Variants in SP4 observed in about 807,000 individuals in gnomAD.
The protein encoded by SP4 is Sp4 transcription factor.
Under a neutral mutation model 72.8 loss-of-function variants are expected in SP4, and 19 were observed. The ratio of observed to expected loss-of-function variants is 0.26; its 90% CI spans 0.18 to 0.38. The LOEUF (loss-of-function observed/expected upper bound fraction) is 0.38, where lower values mean the gene tolerates loss of function less well. Ranked by LOEUF, SP4 falls within the 10% of genes least tolerant of loss-of-function variation. The probability of loss-of-function intolerance (pLI) is 1.00; values close to 1 mark genes in which losing one functional copy is unlikely to be tolerated. For synonymous variants in SP4, 395 were observed against 333.1 expected (o/e 1.19, Z -2.02); for missense variants, 1,008 against 926.3 (o/e 1.09, Z -1.14).
chr7:21,456,850 C>A (rs1198052224), intron 3 of SP4, among the ~76,000 whole-genome samples: 2 of 152,186 alleles, frequency 1.3e-5, no homozygotes, highest in Non-Finnish European at 2.9e-5. Context: ...CTGATGTAGA[C>A]CCCAAGGTCT....
At chr7:21,451,445 CCCTTAAGAGT>C (rs1783597848) in intron 3 of SP4, among the ~76,000 whole-genome samples, 1 of 152,138 alleles carries the variant, frequency 6.6e-6, no homozygotes, top group South Asian at 2.1e-4. Flanking sequence ...AACATTTCCT[CCCTTAAGAGT>C]CCAAGACCCC....
intron 5 of SP4, among the ~76,000 whole-genome samples, chr7:21,506,922 A>G (rs535562411): frequency 2.6e-5 from 4 of 152,262 alleles, no homozygotes; most frequent in Non-Finnish European, 5.9e-5. Context: ...TGGAGATCCT[A>G]CATTTGGGCG....
Position 21,514,814 on chromosome 7 carries a change from A to G in SP4, c.*3545A>G, listed in dbSNP as rs1435377861. On this transcript the variant is annotated 3_prime_UTR_variant, in exon 6 of 6. Coordinates refer to ENST00000222584, the MANE Select transcript of SP4 (RefSeq NM_003112.5). ...AAAGCAGCAATAAATTATTTGAACT[A>G]TCAACCTACTTATCATGAACACTGG... 1.3e-5 allele frequency: 2 copies of G among 152,226 alleles called. No homozygotes were observed. Among genetic ancestry groups the G allele is most frequent in the Non-Finnish European group, 1.5e-5 (1 of 68,044 alleles). 9.4% of individuals were successfully genotyped at this position (152,226 alleles called of 1,614,324 possible).
At chr7:21,447,787 G>A (rs968519341) in intron 3 of SP4, among the ~76,000 whole-genome samples, 1 of 152,170 alleles carries the variant, frequency 6.6e-6, no homozygotes, top group Non-Finnish European at 1.5e-5. Context: ...AGGTTCAAGC[G>A]ATTCTCTTGT....
At chr7:21,501,925 C>A (rs540010230) in intron 5 of SP4, among the ~76,000 whole-genome samples, 51 of 151,650 alleles carry the variant, frequency 3.4e-4, no homozygotes, top group Middle Eastern at 3.4e-3. Flanking sequence ...CGATGAATCT[C>A]TGTTGATTAT....
chr7:21,493,496 G>C (rs1046263001), intron 5 of SP4, among the ~76,000 whole-genome samples: 2 of 152,102 alleles, frequency 1.3e-5, no homozygotes, highest in African/African-American at 4.8e-5. Context: ...ACAAAATGAA[G>C]AGCCAATTAA....
Position 21,511,106 on chromosome 7 carries a change from A to G in SP4, c.2192A>G (p.Asn731Ser). The change falls in exon 6 of 6, where the codon AAT (asparagine) becomes AGT (serine). Residue 731 changes from asparagine to serine, a missense_variant. Around this residue, in one of 3 missense-constraint regions of SP4, gnomAD observed 67 missense variants for 66.1 expected, o/e 1.01. Transcript: ENST00000222584. ...HLSKHVKTHQ[N>S]KKGGGTALAI... is the part of the protein sequence containing the mutation. ...TCCAAACATGTCAAAACGCACCAGA[A>G]TAAAAAAGGTGGTGGGACAGCTCTT... The G allele has an allele frequency of 6.2e-7, 1 of 1,614,206 alleles. No homozygotes were observed.
At position 21,477,212 on chromosome 7, in the gene SP4, G is replaced by C. The variant is rs755017819; in HGVS notation, c.1812G>C (p.Gln604His). 1 of 1,614,226 alleles carries C rather than the reference G, an allele frequency of 6.2e-7. No individual in the cohort carries two copies. Among genetic ancestry groups the C allele is most frequent in the Non-Finnish European group, 8.5e-7 (1 of 1,180,032 alleles). Reference sequence around the variant, plus strand: ...ACCAACTCACACAAGTGCATTTGCAGCAAGGCCAGCAGACTTCTGATCAAG... The same window carrying C: ...ACCAACTCACACAAGTGCATTTGCACCAAGGCCAGCAGACTTCTGATCAAG... ...SPDQLTQVHL[Q>H]QGQQTSDQEV... Residue 604 changes from glutamine (Q) to histidine (H), a missense_variant, in exon 4 of 6, where the codon CAG becomes CAC. Physicochemically the swap from Gln to His is conservative, Grantham distance 24 (BLOSUM62 0). Transcript: ENST00000222584.
intron 4 of SP4, among the ~76,000 whole-genome samples, chr7:21,478,764 T>C (rs1562615038): frequency 6.6e-6 from 1 of 152,162 alleles, no homozygotes; most frequent in Admixed American, 6.5e-5. Context: ...TTATCAGATA[T>C]ACAATTTGAA....
chr7:21,430,681 A>G lies in SP4; in HGVS notation c.1516A>G (p.Thr506Ala), dbSNP rs376524384. The G allele has an allele frequency of 6.2e-6, 10 of 1,614,110 alleles. No individual in the cohort carries two copies. In the African/African-American group the frequency reaches 1.1e-4, roughly 17 times the overall value. The change falls in exon 3 of 6, where the codon ACT becomes GCT. Residue 506 changes from threonine (T) to alanine (A), a missense_variant. Coordinates refer to ENST00000222584, the MANE Select transcript of SP4 (RefSeq NM_003112.5). ...ITPVSSSGGT[T>A]LAQIAPVAVA... ...CCCAGTGTCTTCAAGTGGTGGCACA[A>G]CTCTTGCTCAGATTGCTCCTGTGGC...
intron 5 of SP4, among the ~76,000 whole-genome samples, chr7:21,500,665 CCTT>C (rs1181019768): frequency 6.6e-6 from 1 of 152,180 alleles, no homozygotes; most frequent in Non-Finnish European, 1.5e-5. Flanking sequence ...TGCCCACACT[CCTT>C]CTCATACTGT....
chr7:21,462,301 C>T (rs921363758), intron 3 of SP4, among the ~76,000 whole-genome samples: 4 of 151,974 alleles, frequency 2.6e-5, no homozygotes, highest in African/African-American at 9.7e-5. Flanking sequence ...ATAGTATTGA[C>T]TCAGATATCA....
At chr7:21,480,429 A>G (rs1263578580) in intron 4 of SP4, among the ~76,000 whole-genome samples, 34 of 152,076 alleles carry the variant, frequency 2.2e-4, no homozygotes, top group Admixed American at 2.2e-3. Flanking sequence ...CTGATTGATT[A>G]TTTGTTCTTG....
At chr7:21,473,464 G>A (rs146817869) in intron 3 of SP4, among the ~76,000 whole-genome samples, 3 of 152,260 alleles carry the variant, frequency 2.0e-5, no homozygotes, top group African/African-American at 7.2e-5. Flanking sequence ...GCACTGTTAC[G>A]GTACTAGAGA....
At chr7:21,472,889 G>C (rs1187203523) in intron 3 of SP4, among the ~76,000 whole-genome samples, 1 of 152,156 alleles carries the variant, frequency 6.6e-6, no homozygotes, top group Non-Finnish European at 1.5e-5. Flanking sequence ...ATGGAGTGGC[G>C]AGTGGTGTCA....
At chr7:21,431,611 T>C (rs1207743671) in intron 3 of SP4, among the ~76,000 whole-genome samples, 2 of 152,240 alleles carry the variant, frequency 1.3e-5, no homozygotes, top group Non-Finnish European at 2.9e-5. Flanking sequence ...TTTAAACCTA[T>C]TGTAAAAGCA....
intron 3 of SP4, among the ~76,000 whole-genome samples, chr7:21,433,908 A>C (rs1782957413): frequency 1.3e-5 from 2 of 152,228 alleles, no homozygotes; most frequent in East Asian, 3.9e-4. Flanking sequence ...GCGCCATTGC[A>C]CTTCAGCCTG....
At chr7:21,453,950 C>CA (rs1477710038) in intron 3 of SP4, among the ~76,000 whole-genome samples, 2 of 151,970 alleles carry the variant, frequency 1.3e-5, no homozygotes, top group Admixed American at 6.6e-5. Context: ...TAAACTAGGC[C>CA]AAAAAAATCT....
chr7:21,457,528 A>G (rs901528003), intron 3 of SP4, among the ~76,000 whole-genome samples: 6 of 152,190 alleles, frequency 3.9e-5, no homozygotes, highest in African/African-American at 1.2e-4. Flanking sequence ...ATACATTTAT[A>G]GTTTTTACTA....
Sources: gnomAD v4.1 joint callset for allele counts (sites outside exome capture counted in the v4.1 genomes callset) on GRCh38, gnomAD v4.1.1 for gene constraint, gnomAD v4.1.1 regional missense constraint, MANE v1.5 for transcripts, NCBI Gene and HGNC (gene_info 2026-07-23, HGNC 2026-07-21) for gene names.